PHLDB1: variants seen among roughly 807,000 people sequenced by gnomAD.
PHLDB1 encodes the protein pleckstrin homology-like domain family B member 1.
A neutral mutation model predicts 139.3 loss-of-function variants in PHLDB1; 65 were observed. The observed-to-expected ratio is 0.47, with a 90% CI of 0.38 to 0.57. PHLDB1 has a LOEUF of 0.57. Ranked by LOEUF, PHLDB1 falls within the 20% of genes least tolerant of loss-of-function variation. The probability of loss-of-function intolerance (pLI) is 0.00; values close to 1 mark genes in which losing one functional copy is unlikely to be tolerated. For missense variants in PHLDB1, 1,624 were observed against 1,839.7 expected, an observed-to-expected ratio of 0.88 and a Z score of 2.14; for synonymous variants, 679 against 734.5, an observed-to-expected ratio of 0.92 and a Z score of 1.22.
chr11:118,628,021 G>A lies in PHLDB1; in HGVS notation c.1198G>A (p.Asp400Asn), dbSNP rs1555104793. 1.2e-6 allele frequency: 2 copies of A among 1,613,928 alleles called. No individual in the cohort carries two copies. The highest frequency in any genetic ancestry group is 2.2e-5 in the East Asian group (1 of 44,854). The change falls in exon 6 of 23, where the codon GAC becomes AAC. Residue 400 changes from aspartate to asparagine, a missense_variant. Physicochemically the swap from Asp to Asn is conservative, Grantham distance 23 (BLOSUM62 1). Coordinates refer to ENST00000600882, the MANE Select transcript of PHLDB1 (RefSeq NM_001144758.3). ...APRNKIGTLQ[D>N]RPPSPFREPP... is the part of the protein sequence containing the mutation. ...CCGAAACAAGATTGGCACACTCCAG[G>A]ACCGCCCTCCCAGCCCTTTCCGTGA...
rs1948215810 is a variant in PHLDB1 at position 118,650,683 on chromosome 11, C to G, written c.3874+136C>G. 1.6e-6 allele frequency: 1 copy of G among 637,756 alleles called. No individual in the cohort carries two copies. The highest frequency in any genetic ancestry group is 2.8e-6 in the Non-Finnish European group (1 of 355,934). The allele number at this position is 637,756 out of a possible 1,614,324, so 39.5% of individuals were successfully genotyped here. A position where few individuals can be genotyped will look rare whatever the true frequency, so the allele number is the denominator to read the frequency against. On this transcript the variant is annotated intron_variant, in intron 20 of 22. Transcript: ENST00000600882. This position sits in a 1 kb window ranked among gnomAD's most constrained non-coding sequence, Gnocchi z 4.7. Reference sequence around the variant, plus strand: ...CTTGGGCTAGGCTTTGCCCTCCTTCCCTGAAAATGTACACAATGTACCTGG... The same window carrying G: ...CTTGGGCTAGGCTTTGCCCTCCTTCGCTGAAAATGTACACAATGTACCTGG...
Position 118,614,723 on chromosome 11 carries a change from C to T in PHLDB1, c.184+41C>T, listed in dbSNP as rs144638379. On this transcript the variant is annotated intron_variant, in intron 3 of 22. Transcript: ENST00000600882. ...GCATCTCACTCACCACCCCTCTATC[C>T]TTATAGGCATTCCTGCCCTGGAGGC... The T allele has an allele frequency of 1.6e-3, 2,538 of 1,600,404 alleles. 47 individuals carry two copies. The East Asian group carries it at 0.038, about 24-fold the overall frequency.
rs782515711 is a variant in PHLDB1, at chr11:118,611,818, C to CAA, written c.-21-1983_-21-1982dup. On this transcript the variant is annotated intron_variant, in intron 1 of 22. Coordinates refer to ENST00000600882, the MANE Select transcript of PHLDB1 (RefSeq NM_001144758.3). This position sits in a 1 kb window ranked among gnomAD's most constrained non-coding sequence, Gnocchi z 4.7. ...GGGCAACAAGAGTGAAACTCCGTCT[C>CAA]AAAAAAAAAAAAAAAATAATAATAA... 9.2e-6 allele frequency among the ~76,000 whole-genome samples: 1 copy of CAA among 109,002 alleles called. No homozygotes were observed. The highest frequency in any genetic ancestry group is 2.2e-5 in the Non-Finnish European group (1 of 45,442). The allele number at this position is 109,002 out of a possible 152,430, so 71.5% of individuals were successfully genotyped here.
At chr11:118,629,020 G>T (rs545618402) in intron 6 of PHLDB1, among the ~76,000 whole-genome samples, 94 of 152,362 alleles carry the variant, frequency 6.2e-4, no homozygotes, top group Non-Finnish European at 1.0e-3. Flanking sequence ...GTGATCATGA[G>T]TAGGCTGAAG....
intron 9 of PHLDB1, 123 bp from the exon 10 acceptor site, chr11:118,635,270 C>A: frequency 8.8e-7 from 1 of 1,138,994 alleles, no homozygotes; most frequent in Non-Finnish European, 1.3e-6. Context: ...TGGGGGGAGG[C>A]AGGTTTCTTA....
chr11:118,618,644 T>A (rs1942145163), intron 4 of PHLDB1, among the ~76,000 whole-genome samples: 1 of 152,020 alleles, frequency 6.6e-6, no homozygotes, highest in African/African-American at 2.4e-5. Flanking sequence ...CTCCTATGTG[T>A]ATATGAGACC....
Position 118,608,901 on chromosome 11 carries a change from A to C in PHLDB1, c.-22+1202A>C, listed in dbSNP as rs1939600995. 6.7e-6 allele frequency among the ~76,000 whole-genome samples: 1 copy of C among 150,288 alleles called. No homozygotes were observed. The highest frequency in any genetic ancestry group is 1.5e-5 in the Non-Finnish European group (1 of 67,528). The stretch of plus-strand genomic sequence containing the variant: ...GCTCACACATGCACCCCAGTCACAC[A>C]GCCTACCTCACACACGCACCCCAGT... On this transcript the variant is annotated intron_variant, in intron 1 of 22. Transcript: ENST00000600882. The surrounding 1 kb of genome is among the most constrained non-coding windows in gnomAD (Gnocchi z 6.7).
At chr11:118,656,189 G>A (rs1184128297) in intron 22 of PHLDB1, among the ~76,000 whole-genome samples, 1 of 152,138 alleles carries the variant, frequency 6.6e-6, no homozygotes, top group African/African-American at 2.4e-5. Flanking sequence ...TTGATAAACA[G>A]GAGATATTGG....
chr11:118,626,244 CTT>C (rs375550791), intron 5 of PHLDB1, among the ~76,000 whole-genome samples: 25 of 144,038 alleles, frequency 1.7e-4, no homozygotes, highest in Admixed American at 2.1e-4. Flanking sequence ...TTTTCTTTTT[CTT>C]TTTTTTTTTT....
Position 118,631,468 on chromosome 11 carries a change from AC to A in PHLDB1, c.2092del (p.Gln698SerfsTer17). On this transcript the variant is annotated frameshift_variant, in exon 7 of 23. Coordinates refer to ENST00000600882, the MANE Select transcript of PHLDB1 (RefSeq NM_001144758.3). LOFTEE classifies it high-confidence loss of function. ...GGAGGAGTGCAGCAGCACTGAGAGC[AC>A]CCAGCAGGAGGTGAGATGGAGGGGT... ...LKEECSSTES[T>X]QQEHEDAPST... The A allele has an allele frequency of 7.0e-7, 1 of 1,426,098 alleles. No homozygotes were observed. The highest frequency in any genetic ancestry group is 2.6e-5 in the East Asian group (1 of 38,702). The allele number at this position is 1,426,098 out of a possible 1,614,324, so 88.3% of individuals were successfully genotyped here.
chr11:118,609,034 T>A (rs1555081291), intron 1 of PHLDB1, among the ~76,000 whole-genome samples: 1 of 108,422 alleles, frequency 9.2e-6, no homozygotes. Flanking sequence ...CACACCCCAG[T>A]CAAACACGAG....
In PHLDB1 at chr11:118,614,681, AG is replaced by A; in HGVS notation, c.184+1del. The A allele has an allele frequency of 3.7e-6, 6 of 1,613,498 alleles. No homozygotes were observed. Among genetic ancestry groups the A allele is most frequent in the Non-Finnish European group, 5.1e-6 (6 of 1,179,638 alleles). ...CCATCACCCTCCTGCCGCTGGAGGA[AG>A]GTAAGTGTGAACAGGGCATCTCACT... is the stretch of plus-strand genomic sequence containing the variant. The part of the protein sequence containing the change: ...TAITLLPLEE[G>X]RTVIGSAARD... On this transcript the variant is annotated frameshift_variant and splice_region_variant, in exon 3 of 23. Coordinates refer to ENST00000600882, the MANE Select transcript of PHLDB1 (RefSeq NM_001144758.3). LOFTEE classifies it high-confidence loss of function.
chr11:118,624,590 CTTTTTTTTTT>C (rs67582556), intron 4 of PHLDB1: 6 of 133,208 alleles, frequency 4.5e-5, no homozygotes, highest in Admixed American at 2.4e-4. Flanking sequence ...TTCTTCCTTT[CTTTTTTTTTT>C]TTTTTTTTTT....
chr11:118,627,738 T>A lies in PHLDB1; in HGVS notation c.915T>A (p.Gly305=), dbSNP rs782499810. The change falls in exon 6 of 23, where the codon GGT becomes GGA. Residue 305 remains glycine (G), a synonymous_variant. Coordinates refer to ENST00000600882, the MANE Select transcript of PHLDB1 (RefSeq NM_001144758.3). ...AGCCCCCACAGTCCCGCCCAAGTGG[T>A]GCTCGCTCCGAGAGTCCTCGGCTGA... is the stretch of plus-strand genomic sequence containing the variant. ...ALQPPQSRPS[G]ARSESPRLSR... is the part of the protein sequence containing the mutation. 7 of 1,609,060 alleles carry A rather than the reference T, an allele frequency of 4.4e-6. No individual in the cohort carries two copies. The South Asian group carries it at 7.7e-5, about 18-fold the overall frequency.
rs372444469 is a variant in PHLDB1, at chr11:118,631,387, G to A, written c.2008G>A (p.Val670Ile). The change falls in exon 7 of 23, where the codon GTT becomes ATT. Residue 670 changes from valine to isoleucine, a missense_variant. Val to Ile is a conservative substitution (Grantham distance 29, BLOSUM62 3). Coordinates refer to ENST00000600882, the MANE Select transcript of PHLDB1 (RefSeq NM_001144758.3). ...ASGRSSEEPG[V>I]ATQRLWESME... ...TGGGCGGAGCAGCGAGGAGCCTGGC[G>A]TTGCCACCCAACGCCTATGGGAGAG... is the stretch of plus-strand genomic sequence containing the variant. 8.7e-5 allele frequency: 131 copies of A among 1,508,200 alleles called. No homozygotes were observed. Among genetic ancestry groups the A allele is most frequent in the South Asian group, 3.9e-4 (30 of 76,060 alleles). The allele number at this position is 1,508,200 out of a possible 1,614,324, so 93.4% of individuals were successfully genotyped here.
At chr11:118,618,022 T>C (rs1391328842) in intron 4 of PHLDB1, among the ~76,000 whole-genome samples, 1 of 152,050 alleles carries the variant, frequency 6.6e-6, no homozygotes, top group Non-Finnish European at 1.5e-5. Flanking sequence ...ATGCTTCTGT[T>C]GTCCAGTCTT....
chr11:118,621,656 C>G (rs1942831910), intron 4 of PHLDB1: 1 of 152,282 alleles, frequency 6.6e-6, no homozygotes, highest in Admixed American at 6.5e-5. Context: ...GTCCTCTGAC[C>G]TTCTTTGGGA....
chr11:118,622,027 A>G (rs1555095542), intron 4 of PHLDB1, among the ~76,000 whole-genome samples: 1 of 152,186 alleles, frequency 6.6e-6, no homozygotes, highest in African/African-American at 2.4e-5. Context: ...ATGAGTGTGT[A>G]TGAGTGTGAG....
At chr11:118,648,270 TGTGTG>T (rs1394992987) in intron 18 of PHLDB1, among the ~76,000 whole-genome samples, 194 bp downstream of exon 18, 102 of 3,088 alleles carry the variant, frequency 0.033, no homozygotes, top group South Asian at 0.25. Flanking sequence ...CTATTCAAGT[TGTGTG>T]TGTGTGTGTG....
Sources: allele counts gnomAD v4.1 joint callset (sites outside exome capture counted in the v4.1 genomes callset), GRCh38; gene constraint gnomAD v4.1.1; non-coding constraint Gnocchi (gnomAD v3.1); transcripts MANE v1.5; gene names NCBI Gene and HGNC (gene_info 2026-07-23, HGNC 2026-07-21).